Variants in CERT1 observed in about 807,000 individuals in gnomAD.
CERT1 encodes ceramide transporter 1.
In CERT1, 31 loss-of-function variants were observed where a neutral mutation model predicts 87.9. The observed-to-expected ratio is 0.35, with a 90% CI of 0.27 to 0.48. CERT1 has a LOEUF of 0.48. Among genes scored for constraint, CERT1 ranks in the 20% least tolerant of loss-of-function variants. The pLI is 0.99. For synonymous variants in CERT1, 289 were observed against 250.9 expected (o/e 1.15, Z -1.44); for missense variants, 487 against 758.0 (o/e 0.64, Z 4.20).
At chr5:75,424,572 A>G (rs896405383) in intron 5 of CERT1, among the ~76,000 whole-genome samples, 3 of 149,342 alleles carry the variant, frequency 2.0e-5, no homozygotes, top group Admixed American at 2.0e-4. Context: ...CTCTGTCTCA[A>G]AAAAAAAAAG....
chr5:75,407,407 C>T (rs144714320), intron 8 of CERT1, among the ~76,000 whole-genome samples: 165 of 148,406 alleles, frequency 1.1e-3, no homozygotes, highest in African/African-American at 3.8e-3. Flanking sequence ...GTTAATTACA[C>T]GAAGGTTTAA....
At chr5:75,393,753 C>T (rs1314099280) in intron 11 of CERT1, among the ~76,000 whole-genome samples, 2 of 151,366 alleles carry the variant, frequency 1.3e-5, no homozygotes, top group East Asian at 2.0e-4. Context: ...ACCACGAGGT[C>T]AAGAGATAGA....
chr5:75,462,242 G>C (rs1765263000), intron 2 of CERT1, among the ~76,000 whole-genome samples: 1 of 151,674 alleles, frequency 6.6e-6, no homozygotes, highest in African/African-American at 2.4e-5. Flanking sequence ...TATGATCTAA[G>C]GCAGCAGTCC....
intron 2 of CERT1, among the ~76,000 whole-genome samples, chr5:75,461,550 T>C (rs1561279999): frequency 6.6e-6 from 1 of 152,360 alleles, no homozygotes; most frequent in East Asian, 1.9e-4. Flanking sequence ...TTTTACTCCA[T>C]GATAATTCCC....
chr5:75,388,284 A>G (rs1761881146), intron 12 of CERT1, among the ~76,000 whole-genome samples: 1 of 152,046 alleles, frequency 6.6e-6, no homozygotes. Flanking sequence ...TCAAGGGGAG[A>G]GGAAATCCCA....
At position 75,417,028 on chromosome 5, in the gene CERT1, G is replaced by T; in HGVS notation, c.685C>A (p.Pro229Thr). ...STNGNKEKLF[P>T]HVTPKGINGI... ...TTAATTCCTTTTGGTGTCACATGTG[G>T]AAATACTGAAAATGAAAATTATTCA... Residue 229 changes from proline (P) to threonine (T), a missense_variant, in exon 7 of 17, where the codon CCA becomes ACA. By Grantham distance (38) the Pro-to-Thr change is conservative. This residue lies in a region of CERT1 where 173 missense variants were observed against 302.2 expected (regional missense o/e 0.57). Coordinates refer to ENST00000643780, the MANE Select transcript of CERT1 (RefSeq NM_001379029.1). The T allele has an allele frequency of 6.3e-7, 1 of 1,585,370 alleles. No homozygotes were observed. The highest frequency in any genetic ancestry group is 2.3e-5 in the East Asian group (1 of 44,416).
chr5:75,389,695 A>C lies in CERT1; in HGVS notation c.1189-8T>G. ...CTGCACCATCTCTTCAACCTTGAGA[A>C]GGGAGGAAAAAGGCATGAGAATCCA... is the stretch of plus-strand genomic sequence containing the variant. On this transcript the variant is annotated splice_polypyrimidine_tract_variant and splice_region_variant and intron_variant, in intron 11 of 16. Transcript: ENST00000643780. The C allele has an allele frequency of 6.2e-7, 1 of 1,609,528 alleles. No homozygotes were observed. The highest frequency in any genetic ancestry group is 1.1e-5 in the South Asian group (1 of 90,952).
intron 11 of CERT1, among the ~76,000 whole-genome samples, chr5:75,390,214 G>A (rs1761974283): frequency 6.6e-6 from 1 of 152,022 alleles, no homozygotes; most frequent in South Asian, 2.1e-4. Context: ...AGATATATAT[G>A]TATATGTCAA....
At chr5:75,411,213 A>G in intron 7 of CERT1, 110 bp from the exon 8 acceptor site, 1 of 626,128 alleles carries the variant, frequency 1.6e-6, no homozygotes, top group Non-Finnish European at 2.8e-6. Context: ...AATTTGACAC[A>G]AAAAAATTCC....
rs1455126734 is a variant in CERT1, at chr5:75,404,507, G to A, written c.931-1449C>T. 2.0e-5 allele frequency among the ~76,000 whole-genome samples: 3 copies of A among 152,086 alleles called. No individual in the cohort carries two copies. In the East Asian group the frequency reaches 5.8e-4, roughly 29 times the overall value. On this transcript the variant is annotated intron_variant, in intron 8 of 16. Coordinates refer to ENST00000643780, the MANE Select transcript of CERT1 (RefSeq NM_001379029.1). ...ACATTTCAAAGACAGTAAAATGACA[G>A]CAGGACAACTTTGCTCTCTGTTGAT...
At chr5:75,465,568 T>C (rs114192981) in intron 2 of CERT1, among the ~76,000 whole-genome samples, 53 of 152,298 alleles carry the variant, frequency 3.5e-4, no homozygotes, top group African/African-American at 1.3e-3. Flanking sequence ...TATTAGGCAG[T>C]TCATATTGCT....
chr5:75,473,762 G>A (rs1472835257), intron 2 of CERT1, among the ~76,000 whole-genome samples: 2 of 152,040 alleles, frequency 1.3e-5, no homozygotes, highest in Non-Finnish European at 2.9e-5. Context: ...ACTATGTGAG[G>A]TAATATATTT....
At position 75,419,375 on chromosome 5, in the gene CERT1, G is replaced by A; in HGVS notation, c.645C>T (p.Asp215=). Residue 215 remains aspartate, a synonymous_variant, in exon 6 of 17, where the codon GAC becomes GAT. Transcript: ENST00000643780. ...TATTGCCGTTGGTACTATGCAAGAA[G>A]TCACCATCAGAACGCGTTGTAGGAA... The part of the protein sequence containing the change: ...DDFPTTRSDG[D]FLHSTNGNKE... 6.2e-7 allele frequency: 1 copy of A among 1,612,988 alleles called. No homozygotes were observed. The highest frequency in any genetic ancestry group is 2.2e-5 in the East Asian group (1 of 44,808).
At chr5:75,491,097 C>T (rs1766773092) in intron 2 of CERT1, among the ~76,000 whole-genome samples, 1 of 151,960 alleles carries the variant, frequency 6.6e-6, no homozygotes, top group African/African-American at 2.4e-5. Flanking sequence ...ATGAATTTTT[C>T]CCTAATTTTA....
At chr5:75,410,719 G>T in intron 8 of CERT1, 6 of 160,360 alleles carry the variant, frequency 3.7e-5, no homozygotes, top group Non-Finnish European at 7.6e-5. Context: ...AAAAAAAAAA[G>T]TAGATAACAT....
intron 7 of CERT1, among the ~76,000 whole-genome samples, chr5:75,413,528 G>A (rs950041800): frequency 1.3e-5 from 2 of 152,132 alleles, no homozygotes; most frequent in African/African-American, 2.4e-5. Flanking sequence ...AGGATCACCC[G>A]AGCCCTGGAG....
At chr5:75,395,700 A>G (rs914543834) in intron 11 of CERT1, among the ~76,000 whole-genome samples, 7 of 152,006 alleles carry the variant, frequency 4.6e-5, no homozygotes, top group Non-Finnish European at 1.5e-5. Context: ...TGTCTCTACT[A>G]AAAATACAAA....
chr5:75,424,643 T>A (rs1763528243), intron 5 of CERT1, among the ~76,000 whole-genome samples: 2 of 149,832 alleles, frequency 1.3e-5, no homozygotes, highest in African/African-American at 2.5e-5. Flanking sequence ...AAAAGAGAAA[T>A]GAGAGGGAGA....
At chr5:75,406,609 T>G (rs1182800291) in intron 8 of CERT1, among the ~76,000 whole-genome samples, 1 of 151,812 alleles carries the variant, frequency 6.6e-6, no homozygotes, top group Non-Finnish European at 1.5e-5. Flanking sequence ...AGCGAGGTCT[T>G]GGCTCACTGC....
Sources: allele counts gnomAD v4.1 joint callset (sites outside exome capture counted in the v4.1 genomes callset), GRCh38; gene constraint gnomAD v4.1.1; regional missense constraint gnomAD v4.1.1; transcripts MANE v1.5; gene names NCBI Gene and HGNC (gene_info 2026-07-23, HGNC 2026-07-21).